Variants in DSC2 observed in about 807,000 individuals in gnomAD.
DSC2 encodes the protein desmocollin 2.
In DSC2, 51 loss-of-function variants were observed where a neutral mutation model predicts 87.6. That is an observed-to-expected ratio of 0.58 (90% CI 0.46 to 0.74). The LOEUF is 0.74. Ranked by LOEUF, DSC2 falls within the 30% of genes least tolerant of loss-of-function variation. The pLI is 0.00. For missense variants in DSC2, 1,066 were observed against 1,089.5 expected, an observed-to-expected ratio of 0.98 and a Z score of 0.30; for synonymous variants, 383 against 393.2, an observed-to-expected ratio of 0.97 and a Z score of 0.31.
At position 31,068,950 on chromosome 18, in the gene DSC2, T is replaced by C. The variant is rs1454999415; in HGVS notation, c.2452A>G (p.Asn818Asp). The part of the protein sequence containing the change: ...SCRGGHTEVD[N>D]CRYTYSEWHS... ...CACTCCGAGTAAGTGTATCTGCAGT[T>C]GTCCACCTCCGTGTGTCCTCCCCTG... is the stretch of plus-strand genomic sequence containing the variant. Residue 818 changes from asparagine (N) to aspartate (D), a missense_variant, in exon 15 of 16, where the codon AAC becomes GAC. Coordinates refer to ENST00000280904, the MANE Select transcript of DSC2 (RefSeq NM_024422.6). The C allele has an allele frequency of 6.2e-7, 1 of 1,613,940 alleles. No homozygotes were observed. Among genetic ancestry groups the C allele is most frequent in the Non-Finnish European group, 8.5e-7 (1 of 1,180,028 alleles).
In DSC2 at chr18:31,069,129, G is replaced by C. The variant is rs752927363; in HGVS notation, c.2273C>G (p.Thr758Ser). The change falls in exon 15 of 16, where the codon ACC becomes AGC. Residue 758 changes from threonine to serine, a missense_variant. Transcript: ENST00000280904. Reference sequence around the variant, plus strand: ...CTGAGCAGAAGCGCCCACAGTTTGGGTTGTGAAGCCATTCGCAGAATACTG... The same window carrying C: ...CTGAGCAGAAGCGCCCACAGTTTGGCTTGTGAAGCCATTCGCAGAATACTG... Reference protein sequence around the residue: ...DKVYSANGFTTQTVGASAQGV... With the variant: ...DKVYSANGFTSQTVGASAQGV... 1 of 1,614,118 alleles carries C rather than the reference G, an allele frequency of 6.2e-7. No individual in the cohort carries two copies. Among genetic ancestry groups the C allele is most frequent in the Middle Eastern group, 1.7e-4 (1 of 6,060 alleles).
intron 3 of DSC2, among the ~76,000 whole-genome samples, 176 bp downstream of exon 3, chr18:31,091,925 G>A (rs373084318): frequency 3.3e-5 from 5 of 152,112 alleles, no homozygotes; most frequent in African/African-American, 7.2e-5. Context: ...ATGACAACCC[G>A]AATGAACCAT....
At position 31,058,852 on chromosome 18, in the gene DSC2, CTTT is replaced by C. The variant is rs1238337568; in HGVS notation, c.*9160_*9162del. ...ATTCCATTACAGATTTTTTGTGGCA[CTTT>C]TTAATAGTACGTCTCCGTGAACATA... is the stretch of plus-strand genomic sequence containing the variant. On this transcript the variant is annotated 3_prime_UTR_variant, in exon 16 of 16. Coordinates refer to ENST00000280904, the MANE Select transcript of DSC2 (RefSeq NM_024422.6). 1 of 152,016 alleles carries C rather than the reference CTTT, an allele frequency of 6.6e-6. No homozygotes were observed. Among genetic ancestry groups the C allele is most frequent in the East Asian group, 1.9e-4 (1 of 5,184 alleles). The allele number at this position is 152,016 out of a possible 1,614,324, so 9.4% of individuals were successfully genotyped here.
In DSC2 at chr18:31,088,358, T is replaced by C. The variant is rs889140300; in HGVS notation, c.631-545A>G. 6.6e-5 allele frequency among the ~76,000 whole-genome samples: 10 copies of C among 152,292 alleles called. No homozygotes were observed. In the East Asian group the frequency reaches 1.9e-3, roughly 29 times the overall value. Reference sequence around the variant, plus strand: ...AATCAGAAATGAAACAAATGAATGGTGGTAAACTGTGGTGGAATACAGTTT... The same window carrying C: ...AATCAGAAATGAAACAAATGAATGGCGGTAAACTGTGGTGGAATACAGTTT... On this transcript the variant is annotated intron_variant, in intron 5 of 15. Transcript: ENST00000280904.
chr18:31,091,171 A>G (rs1987585587), intron 3 of DSC2, 24 bp from the exon 4 acceptor site: 1 of 1,612,850 alleles, frequency 6.2e-7, no homozygotes, highest in Non-Finnish European at 8.5e-7. Context: ...ACAGGAAAAA[A>G]TAATAAAGTC....
intron 7 of DSC2, among the ~76,000 whole-genome samples, chr18:31,085,005 A>G (rs1987350264): frequency 6.6e-6 from 1 of 152,126 alleles, no homozygotes; most frequent in Non-Finnish European, 1.5e-5. Context: ...ATGGTCACTC[A>G]AAGTGTAAGA....
At chr18:31,079,316 C>T (rs146111965) in intron 11 of DSC2, among the ~76,000 whole-genome samples, 2,393 of 152,208 alleles carry the variant, frequency 0.016, 10 homozygotes, top group African/African-American at 0.021. Flanking sequence ...TGCAGTGGCG[C>T]GATCTTGGCT....
At position 31,073,377 on chromosome 18, in the gene DSC2, A is replaced by G. The variant is rs76754033; in HGVS notation, c.1888+1306T>C. On this transcript the variant is annotated intron_variant, in intron 12 of 15. Coordinates refer to ENST00000280904, the MANE Select transcript of DSC2 (RefSeq NM_024422.6). ...ATAACCCCGATACACACACACGCAC[A>G]CACACACACACACACACACACACAC... 1.3e-3 allele frequency among the ~76,000 whole-genome samples: 84 copies of G among 62,966 alleles called. 1 individual carries two copies. Among genetic ancestry groups the G allele is most frequent in the Middle Eastern group, 0.01 (1 of 100 alleles). 41.3% of individuals were successfully genotyped at this position (62,966 alleles called of 152,430 possible).
intron 12 of DSC2, 28 bp from the exon 13 acceptor site, chr18:31,071,869 CATT>C: frequency 1.3e-6 from 2 of 1,558,170 alleles, no homozygotes; most frequent in African/African-American, 1.4e-5. Flanking sequence ...TAAAACCAAA[CATT>C]ATACAATGTC....
chr18:31,082,356 T>C lies in DSC2; in HGVS notation c.1145A>G (p.Asp382Gly). 1.2e-6 allele frequency: 2 copies of C among 1,613,946 alleles called. No homozygotes were observed. Among genetic ancestry groups the C allele is most frequent in the Non-Finnish European group, 1.7e-6 (2 of 1,179,962 alleles). The change falls in exon 9 of 16, where the codon GAC becomes GGC. Residue 382 changes from aspartate (D) to glycine (G), a missense_variant. Asp to Gly is a moderately conservative substitution (Grantham distance 94). Coordinates refer to ENST00000280904, the MANE Select transcript of DSC2 (RefSeq NM_024422.6). Reference protein sequence around the residue: ...EILRVTVEDKDLVNTANWRAN... With the variant: ...EILRVTVEDKGLVNTANWRAN... ...TCTCCAGTTAGCAGTATTCACTAAG[T>C]CCTTATCCTCAACAGTAACTCGTAA...
At chr18:31,087,940 T>C in intron 5 of DSC2, 127 bp from the exon 6 acceptor site, 1 of 949,670 alleles carries the variant, frequency 1.1e-6, no homozygotes, top group Admixed American at 2.0e-5. Context: ...CATTTGTTAT[T>C]GTTCTGGGAT....
At chr18:31,079,757 AT>A in intron 11 of DSC2, 89 bp downstream of exon 11, 1 of 1,463,742 alleles carries the variant, frequency 6.8e-7, no homozygotes, top group Non-Finnish European at 9.6e-7. Context: ...GAGTGCATGT[AT>A]CCAGCTTTAA....
chr18:31,093,389 T>G (rs978164356), intron 2 of DSC2, among the ~76,000 whole-genome samples, 170 bp downstream of exon 2: 1 of 152,216 alleles, frequency 6.6e-6, no homozygotes, highest in Non-Finnish European at 1.5e-5. Context: ...GAACATGCAG[T>G]GTTTGATTTT....
chr18:31,068,906 G>C lies in DSC2; in HGVS notation c.2496C>G (p.Pro832=). The change falls in exon 15 of 16, where the codon CCC becomes CCG. Residue 832 remains proline, a synonymous_variant. Transcript: ENST00000280904. The stretch of plus-strand genomic sequence containing the variant: ...TAGGAAAACTCACTTCACCAAGACG[G>C]GGCTGAGTAAAACTGTGCCACTCCG... ...TYSEWHSFTQ[P]RLGEKVYLCN... The C allele has an allele frequency of 6.2e-7, 1 of 1,613,420 alleles. No homozygotes were observed.
chr18:31,077,332 G>T (rs1231913771), intron 11 of DSC2, among the ~76,000 whole-genome samples: 3 of 152,128 alleles, frequency 2.0e-5, no homozygotes, highest in Non-Finnish European at 1.5e-5. Context: ...TCTGAAAATT[G>T]GGACTGCTGG....
chr18:31,089,641 G>C (rs1258221488), intron 4 of DSC2, 47 bp from the exon 5 acceptor site: 1 of 1,566,016 alleles, frequency 6.4e-7, no homozygotes, highest in Non-Finnish European at 8.8e-7. Context: ...TATTTCAGCA[G>C]AGCTTTCATC....
At chr18:31,068,388 C>T (rs764932337) in intron 15 of DSC2, 176 bp from the exon 16 acceptor site, 6 of 1,578,004 alleles carry the variant, frequency 3.8e-6, no homozygotes, top group South Asian at 1.1e-5. Flanking sequence ...TCATACATCA[C>T]ACTATAAATT....
chr18:31,077,436 A>C (rs1053147075), intron 11 of DSC2, among the ~76,000 whole-genome samples: 1 of 152,164 alleles, frequency 6.6e-6, no homozygotes, highest in Non-Finnish European at 1.5e-5. Flanking sequence ...TATCTTTAAA[A>C]ACTGAACTCT....
rs1217851416 is a variant in DSC2, at chr18:31,069,144, G to A, written c.2258C>T (p.Ala753Val). The change falls in exon 15 of 16, where the codon GCG becomes GTG. Residue 753 changes from alanine (A) to valine (V), a missense_variant. By Grantham distance (64) the Ala-to-Val change is moderately conservative (BLOSUM62 0). Transcript: ENST00000280904. ...EAPGDDKVYS[A>V]NGFTTQTVGA... Reference sequence around the variant, plus strand: ...CACAGTTTGGGTTGTGAAGCCATTCGCAGAATACTGAAATGAAAACAATTT... The same window carrying A: ...CACAGTTTGGGTTGTGAAGCCATTCACAGAATACTGAAATGAAAACAATTT... 15 of 1,613,938 alleles carry A rather than the reference G, an allele frequency of 9.3e-6. No individual in the cohort carries two copies. Among genetic ancestry groups the A allele is most frequent in the East Asian group, 4.5e-5 (2 of 44,880 alleles).
Sources: allele counts gnomAD v4.1 joint callset (sites outside exome capture counted in the v4.1 genomes callset), GRCh38; gene constraint gnomAD v4.1.1; transcripts MANE v1.5; gene names NCBI Gene and HGNC (gene_info 2026-07-23, HGNC 2026-07-21).